COL26A1: variants seen among roughly 807,000 people sequenced by gnomAD.
COL26A1 encodes the protein collagen alpha-1(XXVI) chain.
In COL26A1, 41 loss-of-function variants were observed where a neutral mutation model predicts 59.3. That is an observed-to-expected ratio of 0.69 (90% CI 0.54 to 0.90). The LOEUF (loss-of-function observed/expected upper bound fraction) is 0.90, where lower values mean the gene tolerates loss of function less well. COL26A1 is among the 40% of genes least tolerant of loss of function. The pLI, the probability that COL26A1 is intolerant of heterozygous loss-of-function variation, is 0.00. For missense variants in COL26A1, 612 were observed against 602.3 expected, an observed-to-expected ratio of 1.02 and a Z score of -0.17; for synonymous variants, 266 against 256.0, an observed-to-expected ratio of 1.04 and a Z score of -0.37.
At chr7:101,386,192 C>T (rs144153539) in intron 1 of COL26A1, among the ~76,000 whole-genome samples, 1 of 150,266 alleles carries the variant, frequency 6.7e-6, no homozygotes, top group South Asian at 2.1e-4. Context: ...AGACTGCATT[C>T]TGAATTGTGT....
intron 4 of COL26A1, among the ~76,000 whole-genome samples, chr7:101,535,465 C>T (rs541349437): frequency 6.6e-6 from 1 of 152,138 alleles, no homozygotes. Context: ...GGCCACATTG[C>T]CAGCTGTCCC....
At chr7:101,393,056 G>A (rs1362451078) in intron 1 of COL26A1, among the ~76,000 whole-genome samples, 1 of 148,214 alleles carries the variant, frequency 6.7e-6, no homozygotes, top group Non-Finnish European at 1.5e-5. Context: ...AGGCTGGAGT[G>A]CAGTGGCACA....
At chr7:101,363,580 G>A (rs1355491760) in intron 1 of COL26A1, among the ~76,000 whole-genome samples, 2 of 146,110 alleles carry the variant, frequency 1.4e-5, no homozygotes, top group Non-Finnish European at 3.0e-5. Context: ...GCTGGAACGA[G>A]CGATGGAGGA....
In COL26A1 at chr7:101,410,181, G is replaced by C. The variant is rs147217700; in HGVS notation, c.159-9796G>C. Among the ~76,000 whole-genome samples the C allele has an allele frequency of 4.2e-3, 643 of 152,290 alleles. 4 individuals are homozygous for C. Among genetic ancestry groups the C allele is most frequent in the African/African-American group, 0.015 (621 of 41,558 alleles). On this transcript the variant is annotated intron_variant, in intron 1 of 12. Coordinates refer to ENST00000313669, the MANE Select transcript of COL26A1 (RefSeq NM_001278563.3). ...ATCTTTGTGCACCAAGTCCATTTCT[G>C]GGTGGTGGAGGGTCATGGATTGCTG...
intron 2 of COL26A1, 135 bp from the exon 3 acceptor site, chr7:101,447,549 C>T (rs1316949294): frequency 8.0e-6 from 5 of 623,336 alleles, no homozygotes; most frequent in African/African-American, 3.7e-5. Flanking sequence ...ACACGGACCC[C>T]GGCAGTGGTT....
chr7:101,520,633 T>TATACACACAC lies in COL26A1; in HGVS notation c.386-12448_386-12447insTACACACACA, dbSNP rs1452059213. Among the ~76,000 whole-genome samples the TATACACACAC allele has an allele frequency of 4.4e-4, 60 of 137,300 alleles. 1 individual carries two copies. The highest frequency in any genetic ancestry group is 1.4e-3 in the South Asian group (6 of 4,380). The allele number at this position is 137,300 out of a possible 152,430, so 90.1% of individuals were successfully genotyped here. On this transcript the variant is annotated intron_variant, in intron 3 of 12. Transcript: ENST00000313669. The stretch of plus-strand genomic sequence containing the variant: ...AGGTTGACAGACAAGCACAGACACA[T>TATACACACAC]ACACACACACACACACACACACACA...
intron 1 of COL26A1, among the ~76,000 whole-genome samples, chr7:101,390,181 A>G (rs1440028150): frequency 4.8e-5 from 5 of 103,852 alleles, no homozygotes; most frequent in Non-Finnish European, 7.4e-5. Flanking sequence ...TTTTTGAGAC[A>G]AAGTCTCATT....
At chr7:101,489,676 C>T (rs371498548) in intron 3 of COL26A1, among the ~76,000 whole-genome samples, 5,455 of 23,386 alleles carry the variant, frequency 0.23, 1,122 homozygotes, top group African/African-American at 0.52. Flanking sequence ...TTCCTTCCTT[C>T]CTTCCTTTCT....
rs1791964621 is a variant in COL26A1, at chr7:101,400,351, CTAT to C, written c.159-19624_159-19622del. On this transcript the variant is annotated intron_variant, in intron 1 of 12. Coordinates refer to ENST00000313669, the MANE Select transcript of COL26A1 (RefSeq NM_001278563.3). ...GTCCACACTGCCTTTCTTTTTTTTC[CTAT>C]TTTTTTTTTTTTTTTTTTTTTTTTT... Among the ~76,000 whole-genome samples, 23 of 123,394 alleles carry C rather than the reference CTAT, an allele frequency of 1.9e-4. 2 individuals are homozygous for C. The South Asian group carries it at 1.9e-3, about 10-fold the overall frequency. 81.0% of individuals were successfully genotyped at this position (123,394 alleles called of 152,430 possible).
At chr7:101,526,544 T>G (rs1179307429) in intron 3 of COL26A1, among the ~76,000 whole-genome samples, 1 of 152,238 alleles carries the variant, frequency 6.6e-6, no homozygotes, top group Non-Finnish European at 1.5e-5. Context: ...AGACTCCAGC[T>G]GCCTCTTTCC....
At chr7:101,488,437 G>T (rs1436884297) in intron 3 of COL26A1, among the ~76,000 whole-genome samples, 2 of 141,112 alleles carry the variant, frequency 1.4e-5, no homozygotes, top group African/African-American at 2.7e-5. Context: ...GTGCAGTGGC[G>T]CAATCTCAGC....
At chr7:101,467,596 G>C (rs1001331114) in intron 3 of COL26A1, among the ~76,000 whole-genome samples, 2 of 151,674 alleles carry the variant, frequency 1.3e-5, no homozygotes, top group Admixed American at 1.3e-4. Flanking sequence ...GGCCGGGCGC[G>C]GTGGCTCACG....
intron 3 of COL26A1, among the ~76,000 whole-genome samples, chr7:101,487,054 G>T (rs959720106): frequency 1.3e-5 from 2 of 152,198 alleles, no homozygotes; most frequent in African/African-American, 4.8e-5. Flanking sequence ...GAGGCCAGGG[G>T]TGCTGGTGGA....
At chr7:101,534,608 C>CAT (rs1795440561) in intron 4 of COL26A1, among the ~76,000 whole-genome samples, 1 of 150,276 alleles carries the variant, frequency 6.7e-6, no homozygotes, top group South Asian at 2.1e-4. Flanking sequence ...CTCAGGCATA[C>CAT]ATACACACAC....
intron 3 of COL26A1, among the ~76,000 whole-genome samples, chr7:101,472,091 A>G (rs1793920382): frequency 2.0e-5 from 3 of 152,000 alleles, no homozygotes; most frequent in Admixed American, 1.3e-4. Flanking sequence ...TGCAGCCTCA[A>G]CCGCCCAGGG....
chr7:101,391,893 T>C (rs200331681), intron 1 of COL26A1, among the ~76,000 whole-genome samples: 3 of 110,262 alleles, frequency 2.7e-5, no homozygotes, highest in Non-Finnish European at 5.8e-5. Context: ...CTTTTCTTTT[T>C]TTTCTGTAGA....
In COL26A1 at chr7:101,547,561, C is replaced by T. The variant is rs573099703; in HGVS notation, c.940+322C>T. 5.3e-5 allele frequency among the ~76,000 whole-genome samples: 8 copies of T among 152,338 alleles called. No individual in the cohort carries two copies. In the South Asian group the frequency reaches 1.0e-3, roughly 20 times the overall value. On this transcript the variant is annotated intron_variant, in intron 8 of 12. Coordinates refer to ENST00000313669, the MANE Select transcript of COL26A1 (RefSeq NM_001278563.3). ...TCAGGACAGAGGTGGCAGGAAGTCCCTACCTTTGAGGCAGAAACCAAGGGG... is the reference window on the plus strand; with the variant it reads ...TCAGGACAGAGGTGGCAGGAAGTCCTTACCTTTGAGGCAGAAACCAAGGGG...
intron 1 of COL26A1, among the ~76,000 whole-genome samples, chr7:101,370,637 GC>G (rs1791169763): frequency 6.6e-6 from 1 of 152,126 alleles, no homozygotes; most frequent in East Asian, 1.9e-4. Flanking sequence ...CTCCCAAAGT[GC>G]TGGGATTACA....
At chr7:101,403,535 C>G (rs1792062433) in intron 1 of COL26A1, among the ~76,000 whole-genome samples, 1 of 151,810 alleles carries the variant, frequency 6.6e-6, no homozygotes, top group African/African-American at 2.4e-5. Context: ...AACAACAAAA[C>G]AAAACAAAAC....
Sources: gnomAD v4.1 joint callset for allele counts (sites outside exome capture counted in the v4.1 genomes callset) on GRCh38, gnomAD v4.1.1 for gene constraint, MANE v1.5 for transcripts, NCBI Gene and HGNC (gene_info 2026-07-23, HGNC 2026-07-21) for gene names.